The following NCOR1 variants were observed in gnomAD, a reference collection of about 807,000 sequenced individuals.
The protein encoded by NCOR1 is protein phosphatase 1, regulatory subunit 109.
A neutral mutation model predicts 288.1 loss-of-function variants in NCOR1; 63 were observed. The ratio of observed to expected loss-of-function variants is 0.22; its 90% confidence interval spans 0.18 to 0.27. NCOR1 has a LOEUF of 0.27. Ranked by LOEUF, NCOR1 falls within the 10% of genes least tolerant of loss-of-function variation. The pLI is 1.00. For missense variants in NCOR1, 2,397 were observed against 3,019.2 expected, an observed-to-expected ratio of 0.79 and a Z score of 4.83; for synonymous variants, 1,007 against 1,065.9, an observed-to-expected ratio of 0.94 and a Z score of 1.08.
At chr17:16,063,722 C>T (rs1376604140) in intron 35 of NCOR1, among the ~76,000 whole-genome samples, 1 of 152,148 alleles carries the variant, frequency 6.6e-6, no homozygotes, top group African/African-American at 2.4e-5. Context: ...TTCCATTCCT[C>T]CTCTAAACTC....
intron 17 of NCOR1, 46 bp downstream of exon 17, chr17:16,119,376 TA>T: frequency 6.9e-7 from 1 of 1,453,840 alleles, no homozygotes; most frequent in Non-Finnish European, 9.5e-7. Flanking sequence ...CTAATAACCC[TA>T]AAAAACAAAA....
At chr17:16,080,313 T>G in intron 25 of NCOR1, 95 bp downstream of exon 25, 1 of 1,088,752 alleles carries the variant, frequency 9.2e-7, no homozygotes, top group East Asian at 2.6e-5. Context: ...AAGACTATAG[T>G]TAAAAAAGCC....
At chr17:16,105,096 T>C (rs1202446453) in intron 19 of NCOR1, among the ~76,000 whole-genome samples, 2 of 152,170 alleles carry the variant, frequency 1.3e-5, no homozygotes, top group Admixed American at 1.3e-4. Context: ...ATGCAGAGCC[T>C]CATAAATTGC....
rs541200239 is a variant in NCOR1 at position 16,201,305 on chromosome 17, A to G, written c.-70-6666T>C. 3.9e-5 allele frequency among the ~76,000 whole-genome samples: 6 copies of G among 152,350 alleles called. No individual in the cohort carries two copies. The South Asian group carries it at 6.2e-4, about 16-fold the overall frequency. ...ATAAATCTATGGGTACACATACTCAATAAGTAATTCTGGCCAGGCACAGTG... is the reference window on the plus strand; with the variant it reads ...ATAAATCTATGGGTACACATACTCAGTAAGTAATTCTGGCCAGGCACAGTG... On this transcript the variant is annotated intron_variant, in intron 1 of 45. Transcript: ENST00000268712.
At chr17:16,183,386 AATGAAT>A (rs2085950964) in intron 3 of NCOR1, among the ~76,000 whole-genome samples, 2 of 151,966 alleles carry the variant, frequency 1.3e-5, no homozygotes, top group African/African-American at 4.8e-5. Context: ...TGTTAGAATA[AATGAAT>A]CCAGTAAAGT....
intron 14 of NCOR1, among the ~76,000 whole-genome samples, chr17:16,127,379 A>ATGTATGTATATATACATATATGTATATG (rs2074553849): frequency 2.9e-5 from 1 of 34,832 alleles, no homozygotes; most frequent in African/African-American, 8.5e-5. Flanking sequence ...GTATGTATAT[A>ATGTATGTATATATACATATATGTATATG]TGTATGTATA....
chr17:16,035,702 C>G (rs907819139), intron 44 of NCOR1, among the ~76,000 whole-genome samples: 2 of 151,916 alleles, frequency 1.3e-5, no homozygotes, highest in Non-Finnish European at 2.9e-5. Flanking sequence ...CCACCACACC[C>G]GGCTACTTTT....
chr17:16,036,831 G>A (rs1266253281), intron 44 of NCOR1, among the ~76,000 whole-genome samples: 3 of 152,138 alleles, frequency 2.0e-5, no homozygotes, highest in Non-Finnish European at 4.4e-5. Flanking sequence ...TGTGTGTCAC[G>A]AAACACTGTT....
chr17:16,051,969 G>C (rs2059371127), intron 40 of NCOR1, among the ~76,000 whole-genome samples: 1 of 152,090 alleles, frequency 6.6e-6, no homozygotes, highest in Non-Finnish European at 1.5e-5. Context: ...AGGAGATTCA[G>C]ACACAAAAAA....
At chr17:16,084,611 C>T (rs1219189106) in intron 23 of NCOR1, among the ~76,000 whole-genome samples, 2 of 152,116 alleles carry the variant, frequency 1.3e-5, no homozygotes, top group Non-Finnish European at 2.9e-5. Context: ...ACTGACAAAA[C>T]GATGAACAAG....
chr17:16,184,261 C>T (rs1182996452), intron 3 of NCOR1, among the ~76,000 whole-genome samples: 1 of 152,046 alleles, frequency 6.6e-6, no homozygotes. Flanking sequence ...CTGAAAACAA[C>T]AAAATGAGTC....
chr17:16,121,369 A>G, intron 15 of NCOR1, 100 bp from the exon 16 acceptor site: 1 of 998,282 alleles, frequency 1.0e-6, no homozygotes, highest in Non-Finnish European at 1.4e-6. Flanking sequence ...ATTGAATAAA[A>G]CTACCTAATC....
At chr17:16,127,153 CTGTATGTATATATACAT>C (rs2074241523) in intron 14 of NCOR1, among the ~76,000 whole-genome samples, 1 of 128,816 alleles carries the variant, frequency 7.8e-6, no homozygotes, top group African/African-American at 3.6e-5. Context: ...ATGTATATAT[CTGTATGTATATATACAT>C]GTATGTATAT....
intron 1 of NCOR1, among the ~76,000 whole-genome samples, chr17:16,212,646 A>G (rs1240946591): frequency 2.6e-5 from 4 of 152,218 alleles, no homozygotes; most frequent in African/African-American, 7.2e-5. Flanking sequence ...TAACCAAAAC[A>G]TATTTTTTAA....
intron 22 of NCOR1, among the ~76,000 whole-genome samples, chr17:16,090,228 G>C (rs2064958690): frequency 6.6e-6 from 1 of 152,016 alleles, no homozygotes. Flanking sequence ...AAATGACCCA[G>C]ATATTACTAA....
intron 2 of NCOR1, among the ~76,000 whole-genome samples, chr17:16,188,666 A>C (rs1211270990): frequency 6.6e-6 from 1 of 152,164 alleles, no homozygotes; most frequent in Admixed American, 6.6e-5. Flanking sequence ...TTTACATCCA[A>C]GGAAATAGGT....
intron 2 of NCOR1, among the ~76,000 whole-genome samples, chr17:16,187,534 T>A (rs1319620993): frequency 4.9e-5 from 6 of 123,276 alleles, no homozygotes; most frequent in African/African-American, 1.6e-4. Context: ...AACATTATAC[T>A]AAGTTTAAAA....
intron 20 of NCOR1, 33 bp downstream of exon 20, chr17:16,101,217 A>G: frequency 6.5e-7 from 1 of 1,535,724 alleles, no homozygotes; most frequent in Non-Finnish European, 8.7e-7. Context: ...CCAGCAGAGT[A>G]AGCACGGGGA....
intron 3 of NCOR1, among the ~76,000 whole-genome samples, chr17:16,177,972 G>A (rs1406382389): frequency 6.6e-6 from 1 of 152,146 alleles, no homozygotes; most frequent in African/African-American, 2.4e-5. Flanking sequence ...CATTTTGGGA[G>A]GCTGAGGCGG....
Sources: allele counts gnomAD v4.1 joint callset (sites outside exome capture counted in the v4.1 genomes callset), GRCh38; gene constraint gnomAD v4.1.1; transcripts MANE v1.5; gene names NCBI Gene and HGNC (gene_info 2026-07-23, HGNC 2026-07-21).